RNLS: variants seen among roughly 807,000 people sequenced by gnomAD.
RNLS encodes the protein renalase, FAD dependent amine oxidase.
A neutral mutation model predicts 39.8 loss-of-function variants in RNLS; 39 were observed. The observed-to-expected ratio is 0.98, with a 90% CI of 0.76 to 1.28. The LOEUF is 1.28. RNLS is among the 50% of genes most tolerant of loss of function. The probability of loss-of-function intolerance (pLI) is 0.00; values close to 1 mark genes in which losing one functional copy is unlikely to be tolerated. For missense variants in RNLS, 410 were observed against 413.3 expected (o/e 0.99, Z 0.07); for synonymous variants, 147 against 150.7 (o/e 0.98, Z 0.18).
At chr10:88,310,791 C>T (rs1845300109) in intron 6 of RNLS, among the ~76,000 whole-genome samples, 1 of 58,550 alleles carries the variant, frequency 1.7e-5, no homozygotes, top group Admixed American at 2.0e-4. Context: ...GATTTAGAGC[C>T]TACCTCTGCC....
intron 5 of RNLS, among the ~76,000 whole-genome samples, chr10:88,340,398 A>C: frequency 6.6e-6 from 1 of 152,242 alleles, no homozygotes; most frequent in Middle Eastern, 3.2e-3. Flanking sequence ...CGTATGGAGG[A>C]TAAACCTCAG....
At chr10:88,325,279 C>A (rs2156559) in intron 5 of RNLS, among the ~76,000 whole-genome samples, 1 of 152,160 alleles carries the variant, frequency 6.6e-6, no homozygotes, top group Non-Finnish European at 1.5e-5. Flanking sequence ...GTTCCAATTT[C>A]TCCACATCCT....
intron 4 of RNLS, among the ~76,000 whole-genome samples, chr10:88,425,812 C>T (rs1206517925): frequency 6.6e-6 from 1 of 151,796 alleles, no homozygotes; most frequent in Non-Finnish European, 1.5e-5. Flanking sequence ...GAGGTGTGAG[C>T]TAAAGATTCA....
intron 4 of RNLS, among the ~76,000 whole-genome samples, chr10:88,552,914 C>T (rs1422019091): frequency 1.3e-5 from 2 of 152,138 alleles, no homozygotes; most frequent in Non-Finnish European, 2.9e-5. Flanking sequence ...AATCAATTCA[C>T]AATTTATTAA....
intron 5 of RNLS, among the ~76,000 whole-genome samples, chr10:88,351,706 T>C (rs561973036): frequency 1.3e-5 from 2 of 152,318 alleles, no homozygotes; most frequent in Non-Finnish European, 2.9e-5. Context: ...TGGTTCCATA[T>C]GAACTTTAAA....
intron 4 of RNLS, among the ~76,000 whole-genome samples, chr10:88,368,618 A>G (rs1007939614): frequency 2.0e-5 from 3 of 152,098 alleles, no homozygotes; most frequent in East Asian, 1.9e-4. Context: ...TCTGCTTACC[A>G]TAAGACCAAA....
At chr10:88,552,474 C>T (rs1307014907) in intron 4 of RNLS, among the ~76,000 whole-genome samples, 1 of 152,054 alleles carries the variant, frequency 6.6e-6, no homozygotes, top group Non-Finnish European at 1.5e-5. Context: ...AGCATTTGGG[C>T]AATAAGGAAT....
At chr10:88,511,789 T>C (rs771593272) in intron 4 of RNLS, among the ~76,000 whole-genome samples, 30 of 152,210 alleles carry the variant, frequency 2.0e-4, no homozygotes, top group Non-Finnish European at 3.7e-4. Context: ...TGAGGATTAA[T>C]AGTTGGATTT....
At chr10:88,372,247 T>C (rs546656065) in intron 4 of RNLS, among the ~76,000 whole-genome samples, 33 of 152,136 alleles carry the variant, frequency 2.2e-4, no homozygotes, top group African/African-American at 7.5e-4. Context: ...CCCTCCCCTC[T>C]CCCCCTGGCA....
intron 4 of RNLS, among the ~76,000 whole-genome samples, chr10:88,535,444 TG>T (rs1212086067): frequency 6.9e-6 from 1 of 143,952 alleles, no homozygotes; most frequent in Non-Finnish European, 1.5e-5. Context: ...GGGGAGGGGT[TG>T]GGGGAGGGAG....
At chr10:88,572,139 C>CT (rs1322808633) in intron 4 of RNLS, among the ~76,000 whole-genome samples, 1 of 152,122 alleles carries the variant, frequency 6.6e-6, no homozygotes, top group Non-Finnish European at 1.5e-5. Flanking sequence ...TAAATAGCTG[C>CT]TGTCAACTAG....
At chr10:88,528,427 TAAAGAAAGAAAGCAGGA>T (rs1847233998) in intron 4 of RNLS, among the ~76,000 whole-genome samples, 1 of 152,046 alleles carries the variant, frequency 6.6e-6, no homozygotes, top group Non-Finnish European at 1.5e-5. Context: ...AACAAGGGGA[TAAAGAAAGAAAGCAGGA>T]AACAGGATAC....
intron 5 of RNLS, among the ~76,000 whole-genome samples, chr10:88,341,591 A>G (rs559141742): frequency 2.0e-5 from 3 of 152,110 alleles, no homozygotes; most frequent in African/African-American, 7.2e-5. Context: ...GTGCCATATA[A>G]TTATTTAAAA....
chr10:88,193,577 G>A, the RNLS span, among the ~76,000 whole-genome samples: 2 of 151,978 alleles, frequency 1.3e-5, no homozygotes, highest in Admixed American at 6.6e-5. Context: ...TATTTTTTAA[G>A]AGCAAACTCA....
intron 4 of RNLS, among the ~76,000 whole-genome samples, chr10:88,367,055 A>G (rs1025155459): frequency 6.6e-6 from 1 of 151,980 alleles, no homozygotes; most frequent in Non-Finnish European, 1.5e-5. Flanking sequence ...CACACAATAT[A>G]TGTACACATA....
At chr10:88,317,893 T>C (rs1293549302) in intron 5 of RNLS, among the ~76,000 whole-genome samples, 1 of 152,132 alleles carries the variant, frequency 6.6e-6, no homozygotes, top group Non-Finnish European at 1.5e-5. Context: ...TAAGGGGTAG[T>C]GGGTGTGCTT....
intron 4 of RNLS, among the ~76,000 whole-genome samples, chr10:88,524,290 C>G (rs1308022314): frequency 6.6e-6 from 1 of 151,954 alleles, no homozygotes; most frequent in Non-Finnish European, 1.5e-5. Flanking sequence ...TATATTGTGA[C>G]GTTAAAAAGG....
chr10:88,266,846 G>A, the RNLS span, among the ~76,000 whole-genome samples: 1 of 116,450 alleles, frequency 8.6e-6, no homozygotes, highest in African/African-American at 4.4e-5. Flanking sequence ...AACCTGCTGT[G>A]AGAAAGGTAG....
intron 4 of RNLS, among the ~76,000 whole-genome samples, chr10:88,470,856 C>T (rs182858405): frequency 7.2e-5 from 11 of 152,154 alleles, no homozygotes; most frequent in Admixed American, 7.2e-4. Flanking sequence ...CCTTGTGATC[C>T]ACCCGCCTCG....
Sources: allele counts gnomAD v4.1 joint callset (sites outside exome capture counted in the v4.1 genomes callset), GRCh38; gene constraint gnomAD v4.1.1; transcripts MANE v1.5; gene names NCBI Gene and HGNC (gene_info 2026-07-23, HGNC 2026-07-21).